Variants in SASH1 observed in about 807,000 individuals in gnomAD.
SASH1 encodes SAM and SH3 domain containing 1.
In SASH1, 44 loss-of-function variants were observed where a neutral mutation model predicts 125.2. That is an observed-to-expected ratio of 0.35 (90% CI 0.28 to 0.45). The LOEUF is 0.45. Ranked by LOEUF, SASH1 falls within the 20% of genes least tolerant of loss-of-function variation. The pLI, the probability that SASH1 is intolerant of heterozygous loss-of-function variation, is 1.00. For synonymous variants in SASH1, 639 were observed against 649.1 expected (o/e 0.98, Z 0.24); for missense variants, 1,426 against 1,614.5 (o/e 0.88, Z 2.00).
chr6:148,427,053 A>G (rs1212162868), intron 2 of SASH1, among the ~76,000 whole-genome samples: 2 of 152,132 alleles, frequency 1.3e-5, no homozygotes, highest in Non-Finnish European at 2.9e-5. Flanking sequence ...GAGGCAGGGG[A>G]ATCACTTGAA....
chr6:148,293,938 G>T (rs80195117), intron 1 of SASH1, among the ~76,000 whole-genome samples: 3,238 of 152,324 alleles, frequency 0.021, 129 homozygotes, highest in African/African-American at 0.074. Context: ...AAGGGAGCAA[G>T]AGAAATCTGA....
At chr6:148,511,324 TACACACACACACACACACACACACACAC>T (rs58822082) in intron 8 of SASH1, among the ~76,000 whole-genome samples, 6 of 135,384 alleles carry the variant, frequency 4.4e-5, no homozygotes, top group Non-Finnish European at 7.9e-5. Context: ...AATTTTCTAT[TACACACACACACACACACACACACACAC>T]ACACACACAC....
intron 1 of SASH1, among the ~76,000 whole-genome samples, chr6:148,348,987 C>T (rs1161448868): frequency 6.6e-6 from 1 of 152,120 alleles, no homozygotes; most frequent in Admixed American, 6.5e-5. Flanking sequence ...CCAGACATAC[C>T]TTTGGATTTG....
rs538453636 is a variant in SASH1 at position 148,332,762 on chromosome 6, G to A, written n.75-57372G>A. On this transcript the variant is annotated intron_variant and non_coding_transcript_variant, in intron 1 of 3. Coordinates refer to the SASH1 transcript ENST00000367469. Reference sequence around the variant, plus strand: ...AGCGCTTTGGGAGGCTGAGGCGGGCGGATCACCGAGGTCAGGAGTTCGAGA... The same window carrying A: ...AGCGCTTTGGGAGGCTGAGGCGGGCAGATCACCGAGGTCAGGAGTTCGAGA... Among the ~76,000 whole-genome samples the A allele has an allele frequency of 5.9e-5, 9 of 152,162 alleles. No individual in the cohort carries two copies. The East Asian group carries it at 1.4e-3, about 23-fold the overall frequency.
At chr6:148,477,762 A>G (rs555822097) in intron 7 of SASH1, among the ~76,000 whole-genome samples, 2 of 121,220 alleles carry the variant, frequency 1.6e-5, no homozygotes, top group African/African-American at 3.8e-5. Flanking sequence ...CAATGGTGCA[A>G]TCTTGGATCA....
the SASH1 span, among the ~76,000 whole-genome samples, chr6:148,257,844 T>C: frequency 6.6e-6 from 1 of 152,138 alleles, no homozygotes; most frequent in Non-Finnish European, 1.5e-5. Context: ...TTGCCCACGA[T>C]GGTCTCGATC....
intron 1 of SASH1, among the ~76,000 whole-genome samples, chr6:148,317,398 G>A (rs1251514782): frequency 6.6e-6 from 1 of 152,200 alleles, no homozygotes; most frequent in Non-Finnish European, 1.5e-5. Context: ...TTATTTAGGA[G>A]GTTTGAGAAA....
intron 1 of SASH1, among the ~76,000 whole-genome samples, chr6:148,326,421 T>G (rs1780831716): frequency 7.1e-6 from 1 of 140,050 alleles, no homozygotes. Context: ...TTTCTTTTTT[T>G]TGAGACAGGG....
In SASH1 at chr6:148,409,907, C is replaced by T. The variant is rs541687648; in HGVS notation, c.285+19645C>T. Among the ~76,000 whole-genome samples, 8 of 152,020 alleles carry T rather than the reference C, an allele frequency of 5.3e-5. No homozygotes were observed. The South Asian group carries it at 1.0e-3, about 20-fold the overall frequency. On this transcript the variant is annotated intron_variant, in intron 2 of 19. Coordinates refer to ENST00000367467, the MANE Select transcript of SASH1 (RefSeq NM_015278.5). ...TGAGCCGAGATTGCACCACTGCACT[C>T]CAGCCTGGGCAACAGAGCAAGACTC...
the SASH1 span, among the ~76,000 whole-genome samples, chr6:148,222,028 GT>G: frequency 6.6e-6 from 1 of 151,940 alleles, no homozygotes; most frequent in African/African-American, 2.4e-5. Flanking sequence ...CCTTTATAAA[GT>G]TTTATTTTCC....
intron 2 of SASH1, among the ~76,000 whole-genome samples, chr6:148,416,569 C>T (rs905122056): frequency 6.6e-5 from 10 of 152,146 alleles, no homozygotes; most frequent in Non-Finnish European, 1.3e-4. Context: ...ACCTAATTAA[C>T]GGCACAATGT....
At chr6:148,358,003 T>A (rs1782012153) in intron 1 of SASH1, among the ~76,000 whole-genome samples, 1 of 134,294 alleles carries the variant, frequency 7.4e-6, no homozygotes, top group African/African-American at 2.9e-5. Context: ...GAGGTTGCAG[T>A]GAGCTGAGAT....
At chr6:148,333,398 C>CA (rs1345440556) in intron 1 of SASH1, among the ~76,000 whole-genome samples, 1 of 151,896 alleles carries the variant, frequency 6.6e-6, no homozygotes, top group African/African-American at 2.4e-5. Flanking sequence ...CTGAAACAAA[C>CA]AAAAAATCAA....
the SASH1 span, among the ~76,000 whole-genome samples, chr6:148,224,760 G>A: frequency 6.6e-6 from 1 of 152,190 alleles, no homozygotes; most frequent in South Asian, 2.1e-4. Flanking sequence ...TGAGATGGGA[G>A]ATGGGTATAG....
chr6:148,524,359 A>C (rs917065069), intron 10 of SASH1: 1 of 151,974 alleles, frequency 6.6e-6, no homozygotes, highest in Non-Finnish European at 1.5e-5. Flanking sequence ...GATTTTTAAA[A>C]AAGATAATTA....
At chr6:148,270,809 G>T (rs1014731619), upstream of SASH1, among the ~76,000 whole-genome samples, 10 of 152,038 alleles carry the variant, frequency 6.6e-5, no homozygotes, top group Non-Finnish European at 1.2e-4. Flanking sequence ...ATAAGGAAAT[G>T]GTAGCCTGGG....
chr6:148,248,301 G>A, the SASH1 span, among the ~76,000 whole-genome samples: 2 of 152,138 alleles, frequency 1.3e-5, no homozygotes, highest in African/African-American at 4.8e-5. Context: ...AGGCAGTAAG[G>A]GCATTTTCCT....
upstream of SASH1, among the ~76,000 whole-genome samples, chr6:148,270,120 A>C (rs1646991943): frequency 6.6e-6 from 1 of 152,246 alleles, no homozygotes; most frequent in South Asian, 2.1e-4. Context: ...CTGGGACAGC[A>C]AGAGGATGGA....
the SASH1 span, among the ~76,000 whole-genome samples, chr6:148,251,952 G>A: frequency 1.3e-5 from 2 of 150,570 alleles, no homozygotes; most frequent in Non-Finnish European, 2.9e-5. Context: ...TTGTCCTTGC[G>A]ATAGTTTACT....
Sources: allele counts gnomAD v4.1 joint callset (sites outside exome capture counted in the v4.1 genomes callset), GRCh38; gene constraint gnomAD v4.1.1; transcripts MANE v1.5; gene names NCBI Gene and HGNC (gene_info 2026-07-23, HGNC 2026-07-21).